Variants in LRRC37A2 observed in about 807,000 individuals in gnomAD.
The protein encoded by LRRC37A2 is leucine-rich repeat-containing protein 37A2.
A neutral mutation model predicts 68.8 loss-of-function variants in LRRC37A2; 9 were observed. The ratio of observed to expected loss-of-function variants is 0.13; its 90% CI spans 0.08 to 0.23. The LOEUF (loss-of-function observed/expected upper bound fraction) is 0.23, where lower values mean the gene tolerates loss of function less well. Among genes scored for constraint, LRRC37A2 ranks in the 10% least tolerant of loss-of-function variants. The pLI is 1.00. For missense variants in LRRC37A2, 168 were observed against 950.4 expected (o/e 0.18, Z 10.82); for synonymous variants, 63 against 367.6 (o/e 0.17, Z 9.48).
chr17:46,635,805 G>GTGTGTGTGTGTGTC, the LRRC37A2 span, among the ~76,000 whole-genome samples: 2 of 142,180 alleles, frequency 1.4e-5, no homozygotes, highest in Non-Finnish European at 3.2e-5. Flanking sequence ...GTGTGTGTGT[G>GTGTGTGTGTGTGTC]TGTGTGTGTG....
chr17:46,516,311 A>T (rs2051306061), intron 2 of LRRC37A2, among the ~76,000 whole-genome samples: 1 of 79,230 alleles, frequency 1.3e-5, no homozygotes, highest in African/African-American at 3.9e-5. Flanking sequence ...TCAAAAAAAA[A>T]AATGATAGGA....
the LRRC37A2 span, chr17:47,017,897 C>T: frequency 6.2e-7 from 1 of 1,612,536 alleles, no homozygotes; most frequent in South Asian, 1.1e-5. Flanking sequence ...ACATCCAGTC[C>T]TCTTCACTCC....
At chr17:46,977,339 C>A in the LRRC37A2 span, among the ~76,000 whole-genome samples, 1 of 152,212 alleles carries the variant, frequency 6.6e-6, no homozygotes, top group Non-Finnish European at 1.5e-5. Flanking sequence ...TTCCAAGAAC[C>A]GCTTGAGCGG....
the LRRC37A2 span, among the ~76,000 whole-genome samples, chr17:46,811,753 G>A: frequency 1.3e-5 from 2 of 152,154 alleles, no homozygotes; most frequent in Non-Finnish European, 2.9e-5. Context: ...TCGGGAGTTC[G>A]AGACCAGCCT....
the LRRC37A2 span, chr17:46,932,369 CAG>C: frequency 8.6e-6 from 6 of 698,214 alleles, no homozygotes; most frequent in African/African-American, 1.8e-5. Context: ...TAGACCTAGA[CAG>C]AGAATCCCTT....
At chr17:46,874,732 C>T in the LRRC37A2 span, among the ~76,000 whole-genome samples, 2 of 152,220 alleles carry the variant, frequency 1.3e-5, no homozygotes, top group Admixed American at 1.3e-4. Context: ...CATGTACCAC[C>T]ATGCCCGGCT....
the LRRC37A2 span, among the ~76,000 whole-genome samples, chr17:46,671,801 T>C: frequency 7.4e-6 from 1 of 134,442 alleles, no homozygotes. Context: ...TTTGAGCATT[T>C]TCTGTGTACA....
chr17:46,877,794 T>C, the LRRC37A2 span, among the ~76,000 whole-genome samples: 2 of 152,240 alleles, frequency 1.3e-5, no homozygotes, highest in Non-Finnish European at 2.9e-5. Context: ...TCTATTCTTG[T>C]GGCTGCTCAT....
At chr17:46,963,227 A>G in the LRRC37A2 span, among the ~76,000 whole-genome samples, 1 of 152,220 alleles carries the variant, frequency 6.6e-6, no homozygotes, top group East Asian at 1.9e-4. Flanking sequence ...AGGAAAGTGG[A>G]TTCTATAAAG....
the LRRC37A2 span, chr17:46,978,760 C>T: frequency 1.2e-6 from 2 of 1,612,708 alleles, no homozygotes; most frequent in Non-Finnish European, 1.7e-6. Flanking sequence ...GAAGAAGACG[C>T]CGAAGACCAC....
At chr17:46,839,788 A>C in the LRRC37A2 span, among the ~76,000 whole-genome samples, 2 of 150,854 alleles carry the variant, frequency 1.3e-5, no homozygotes, top group South Asian at 2.1e-4. Flanking sequence ...TTGGTTTTCT[A>C]TCCTTGTGAT....
At chr17:46,936,687 T>G in the LRRC37A2 span, 14 of 985,228 alleles carry the variant, frequency 1.4e-5, no homozygotes, top group Non-Finnish European at 1.6e-5. Flanking sequence ...TTTAGAAGGT[T>G]GATCCTTAGC....
the LRRC37A2 span, among the ~76,000 whole-genome samples, chr17:47,043,617 T>C: frequency 6.6e-6 from 1 of 150,728 alleles, no homozygotes; most frequent in African/African-American, 2.4e-5. Context: ...AGAAGACAAG[T>C]GGGAGTATGG....
chr17:46,424,351 TTA>T, the LRRC37A2 span, among the ~76,000 whole-genome samples: 1 of 113,784 alleles, frequency 8.8e-6, no homozygotes, highest in African/African-American at 2.9e-5. Context: ...TCTAGTACAT[TTA>T]TGAAGTGATT....
the LRRC37A2 span, among the ~76,000 whole-genome samples, chr17:47,039,021 C>T: frequency 2.0e-5 from 3 of 149,558 alleles, no homozygotes; most frequent in African/African-American, 7.3e-5. Context: ...TGTGCAGATT[C>T]ACATTAGTAC....
the LRRC37A2 span, among the ~76,000 whole-genome samples, chr17:46,497,666 GTGT>G: frequency 6.7e-6 from 1 of 149,720 alleles, no homozygotes; most frequent in Non-Finnish European, 1.5e-5. Context: ...TATACTTTCA[GTGT>G]ATATTATATC....
the LRRC37A2 span, among the ~76,000 whole-genome samples, chr17:46,990,697 G>A: frequency 6.6e-6 from 1 of 151,586 alleles, no homozygotes; most frequent in Non-Finnish European, 1.5e-5. Context: ...TTAAGATAGA[G>A]TCTTGTTATG....
At chr17:46,907,747 C>CGG in the LRRC37A2 span, among the ~76,000 whole-genome samples, 7 of 145,048 alleles carry the variant, frequency 4.8e-5, no homozygotes, top group African/African-American at 1.8e-4. Context: ...AGCTACTCAG[C>CGG]GGGGGGGGTG....
chr17:46,542,693 T>A lies in LRRC37A2; in HGVS notation c.3053+1812T>A, dbSNP rs985829313. On this transcript the variant is annotated intron_variant, in intron 8 of 14. Transcript: ENST00000576629. ...TTGGGTGACAGAGCAAGACCCTGTC[T>A]AAAATATATATATATTTATATATAT... Among the ~76,000 whole-genome samples the A allele has an allele frequency of 8.7e-5, 13 of 150,090 alleles. 1 individual carries two copies. The highest frequency in any genetic ancestry group is 2.8e-4 in the African/African-American group (11 of 39,566).
Sources: gnomAD v4.1 joint callset for allele counts (sites outside exome capture counted in the v4.1 genomes callset) on GRCh38, gnomAD v4.1.1 for gene constraint, MANE v1.5 for transcripts, NCBI Gene and HGNC (gene_info 2026-07-23, HGNC 2026-07-21) for gene names.